DPP6: variants seen among roughly 807,000 people sequenced by gnomAD.
The protein encoded by DPP6 is A-type potassium channel modulatory protein DPP6.
Under a neutral mutation model 122.6 loss-of-function variants are expected in DPP6, and 69 were observed. The ratio of observed to expected loss-of-function variants is 0.56; its 90% CI spans 0.46 to 0.69. The LOEUF is 0.69. DPP6 is among the 30% of genes least tolerant of loss of function. The pLI is 0.00. For missense variants in DPP6, 928 were observed against 1,116.9 expected, an observed-to-expected ratio of 0.83 and a Z score of 2.41; for synonymous variants, 418 against 433.1, an observed-to-expected ratio of 0.97 and a Z score of 0.43.
At chr7:154,121,860 T>G (rs963702251) in intron 1 of DPP6, among the ~76,000 whole-genome samples, 1 of 151,922 alleles carries the variant, frequency 6.6e-6, no homozygotes. Flanking sequence ...AAAATTCTTT[T>G]TTTTCTTTTT....
At chr7:154,608,406 C>T (rs773918622) in intron 5 of DPP6, among the ~76,000 whole-genome samples, 4 of 148,614 alleles carry the variant, frequency 2.7e-5, no homozygotes, top group African/African-American at 9.8e-5. Context: ...CAGCTCACTG[C>T]AACCTCTGCC....
chr7:153,800,438 G>A, the DPP6 span, among the ~76,000 whole-genome samples: 19 of 152,318 alleles, frequency 1.2e-4, 1 homozygote, highest in Admixed American at 5.9e-4. Context: ...GAGGGGACAT[G>A]AAGAGAGGTT....
chr7:154,312,178 G>A (rs1563457151), intron 1 of DPP6, among the ~76,000 whole-genome samples: 1 of 152,142 alleles, frequency 6.6e-6, no homozygotes, highest in Non-Finnish European at 1.5e-5. Context: ...TCTTGTATCA[G>A]GCAAGTACCA....
intron 3 of DPP6, among the ~76,000 whole-genome samples, chr7:154,532,571 T>C (rs879945418): frequency 6.6e-6 from 1 of 151,952 alleles, no homozygotes; most frequent in African/African-American, 2.4e-5. Context: ...GTCAATAAAA[T>C]TGGTAAATAT....
intron 1 of DPP6, among the ~76,000 whole-genome samples, chr7:154,336,997 T>G (rs1177880424): frequency 2.0e-5 from 3 of 152,172 alleles, no homozygotes; most frequent in Admixed American, 6.5e-5. Context: ...GAGCATCTGA[T>G]GATATTATCC....
At chr7:154,057,480 C>G (rs1458229340) in intron 1 of DPP6, 1 of 151,362 alleles carries the variant, frequency 6.6e-6, no homozygotes, top group Non-Finnish European at 1.4e-5. Flanking sequence ...CTCAAATCTT[C>G]CGACGGCAGG....
At position 154,879,917 on chromosome 7, in the gene DPP6, G is replaced by A. The variant is rs542086659; in HGVS notation, c.2079-971G>A. Among the ~76,000 whole-genome samples the A allele has an allele frequency of 5.3e-5, 8 of 152,332 alleles. No individual in the cohort carries two copies. The South Asian group carries it at 6.2e-4, about 12-fold the overall frequency. Reference sequence around the variant, plus strand: ...GCCTCCGCCACGTGGAGGGCACAGCGCACGCCAGGAAATCTCTTCCGGTTT... The same window carrying A: ...GCCTCCGCCACGTGGAGGGCACAGCACACGCCAGGAAATCTCTTCCGGTTT... On this transcript the variant is annotated intron_variant, in intron 20 of 25. Coordinates refer to ENST00000377770, the MANE Select transcript of DPP6 (RefSeq NM_130797.4).
At chr7:154,401,128 T>G (rs1586166528) in intron 1 of DPP6, among the ~76,000 whole-genome samples, 1 of 150,470 alleles carries the variant, frequency 6.6e-6, no homozygotes, top group African/African-American at 2.5e-5. Context: ...ACCTGGGAGG[T>G]GTAGGGTGCA....
intron 1 of DPP6, among the ~76,000 whole-genome samples, chr7:154,219,950 C>T (rs569600610): frequency 5.3e-5 from 8 of 152,248 alleles, no homozygotes; most frequent in South Asian, 2.1e-4. Flanking sequence ...GTGATTCTGC[C>T]GAGAATTGTG....
At chr7:154,022,380 CT>C (rs1477893409) in intron 1 of DPP6, among the ~76,000 whole-genome samples, 1 of 151,958 alleles carries the variant, frequency 6.6e-6, no homozygotes, top group Non-Finnish European at 1.5e-5. Context: ...GTAGGGGACA[CT>C]TGCATTTGCC....
intron 1 of DPP6, among the ~76,000 whole-genome samples, chr7:153,947,492 A>AAAT (rs889390042): frequency 3.3e-5 from 5 of 152,190 alleles, no homozygotes; most frequent in South Asian, 4.2e-4. Context: ...GACTGGCAAA[A>AAAT]AATAATAATA....
At chr7:154,730,939 T>A (rs1467331224) in intron 8 of DPP6, among the ~76,000 whole-genome samples, 4 of 152,390 alleles carry the variant, frequency 2.6e-5, no homozygotes, top group African/African-American at 4.8e-5. Flanking sequence ...TCAAGGCATT[T>A]ACACGAAATT....
intron 1 of DPP6, among the ~76,000 whole-genome samples, chr7:154,275,215 C>T (rs892136448): frequency 1.3e-5 from 2 of 152,244 alleles, no homozygotes; most frequent in Non-Finnish European, 2.9e-5. Flanking sequence ...CCTCCTTTCC[C>T]CAGCAGCAGC....
intron 6 of DPP6, among the ~76,000 whole-genome samples, chr7:154,664,641 C>G (rs1330810461): frequency 6.7e-6 from 1 of 150,302 alleles, no homozygotes; most frequent in Non-Finnish European, 1.5e-5. Flanking sequence ...CTGTGCTGTG[C>G]TCCATATGGA....
At chr7:154,778,638 ACAC>A (rs199592248) in intron 10 of DPP6, among the ~76,000 whole-genome samples, 3 of 99,038 alleles carry the variant, frequency 3.0e-5, no homozygotes, top group East Asian at 6.6e-4. Context: ...CACCACCACC[ACAC>A]CACCACCACC....
intron 1 of DPP6, among the ~76,000 whole-genome samples, chr7:154,044,924 C>T (rs1799947377): frequency 6.6e-6 from 1 of 151,834 alleles, no homozygotes; most frequent in African/African-American, 2.4e-5. Context: ...TGCAGTTCTG[C>T]AGAGTTCTTC....
chr7:153,796,605 T>G, the DPP6 span, among the ~76,000 whole-genome samples: 1 of 152,186 alleles, frequency 6.6e-6, no homozygotes, highest in Non-Finnish European at 1.5e-5. Context: ...TATTTTATGC[T>G]ACAAATATAA....
chr7:154,541,437 A>T (rs931258296), intron 4 of DPP6, among the ~76,000 whole-genome samples: 15 of 152,342 alleles, frequency 9.8e-5, no homozygotes, highest in African/African-American at 3.6e-4. Context: ...ACTCGACCCC[A>T]AAGATTTAAA....
At chr7:154,522,344 G>A (rs950785626) in intron 3 of DPP6, among the ~76,000 whole-genome samples, 4 of 152,172 alleles carry the variant, frequency 2.6e-5, no homozygotes, top group Non-Finnish European at 4.4e-5. Flanking sequence ...ATCCCGCCAC[G>A]TATGTTAAAG....
Sources: gnomAD v4.1 joint callset for allele counts (sites outside exome capture counted in the v4.1 genomes callset) on GRCh38, gnomAD v4.1.1 for gene constraint, MANE v1.5 for transcripts, NCBI Gene and HGNC (gene_info 2026-07-23, HGNC 2026-07-21) for gene names.